RARB: variants seen among roughly 807,000 people sequenced by gnomAD.
RARB encodes the protein HBV-activated protein.
RARB carries 17 observed loss-of-function variants against 51.9 expected under a neutral mutation model. That is an observed-to-expected ratio of 0.33 (90% CI 0.22 to 0.49). RARB has a LOEUF of 0.49. RARB is among the 20% of genes least tolerant of loss of function. RARB has a pLI of 0.99. For synonymous variants in RARB, 215 were observed against 195.4 expected, an observed-to-expected ratio of 1.10 and a Z score of -0.84; for missense variants, 369 against 550.8, an observed-to-expected ratio of 0.67 and a Z score of 3.30.
chr3:25,130,069 C>A (rs1383570344), intron 3 of RARB, among the ~76,000 whole-genome samples: 4 of 152,006 alleles, frequency 2.6e-5, no homozygotes, highest in Admixed American at 2.6e-4. Flanking sequence ...GTATGGGAAA[C>A]TATAGGCAAA....
intron 5 of RARB, among the ~76,000 whole-genome samples, chr3:25,272,972 A>T (rs145264318): frequency 1.3e-5 from 2 of 152,192 alleles, no homozygotes; most frequent in Admixed American, 6.5e-5. Flanking sequence ...ACAACTGTTC[A>T]TGTCAAACTG....
chr3:25,051,082 C>G (rs1182394568), intron 2 of RARB, among the ~76,000 whole-genome samples: 1 of 152,040 alleles, frequency 6.6e-6, no homozygotes, highest in East Asian at 1.9e-4. Flanking sequence ...CTTTGATATG[C>G]CATGTTTAAC....
chr3:25,193,306 A>G (rs1007458585), intron 5 of RARB, among the ~76,000 whole-genome samples: 12 of 152,184 alleles, frequency 7.9e-5, no homozygotes, highest in African/African-American at 2.4e-4. Context: ...GCTACCTTCC[A>G]CTGGATGTTT....
At chr3:25,006,405 T>C (rs1321074245) in intron 2 of RARB, among the ~76,000 whole-genome samples, 1 of 152,214 alleles carries the variant, frequency 6.6e-6, no homozygotes, top group Non-Finnish European at 1.5e-5. Context: ...ATGTAGTGGA[T>C]ACAGTTGTGA....
rs76221718 is a variant in RARB at position 24,914,540 on chromosome 3, T to A, written c.-380+55788T>A. On this transcript the variant is annotated intron_variant, in intron 2 of 11. Transcript: ENST00000383772. ...CATAAAGGACTGGTTCTGGTTCCCC[T>A]CTCAGGTACCAAAATCCATGATACT... 3.8e-3 allele frequency among the ~76,000 whole-genome samples: 578 copies of A among 152,292 alleles called. 2 individuals carry two copies. The highest frequency in any genetic ancestry group is 0.013 in the African/African-American group (549 of 41,554).
At chr3:25,002,868 C>G (rs538120733) in intron 2 of RARB, among the ~76,000 whole-genome samples, 1 of 151,964 alleles carries the variant, frequency 6.6e-6, no homozygotes, top group South Asian at 2.1e-4. Flanking sequence ...TTAGGGAGAT[C>G]AATTGAGTTT....
At chr3:25,221,896 T>C (rs1005470064) in intron 5 of RARB, among the ~76,000 whole-genome samples, 1 of 152,162 alleles carries the variant, frequency 6.6e-6, no homozygotes, top group African/African-American at 2.4e-5. Flanking sequence ...CAATAAATCA[T>C]ATTTTGATCA....
At chr3:25,113,955 T>G (rs1047704425) in intron 3 of RARB, among the ~76,000 whole-genome samples, 7 of 152,180 alleles carry the variant, frequency 4.6e-5, no homozygotes, top group African/African-American at 1.7e-4. Context: ...TTGCTATCAT[T>G]CCTAGATTTT....
intron 2 of RARB, among the ~76,000 whole-genome samples, chr3:24,928,803 CTT>C (rs1695378233): frequency 6.6e-6 from 1 of 152,004 alleles, no homozygotes; most frequent in Non-Finnish European, 1.5e-5. Context: ...GAGGTTCTCT[CTT>C]GTTTCATGGA....
At chr3:24,978,207 A>T (rs1041903936) in intron 2 of RARB, among the ~76,000 whole-genome samples, 1 of 150,610 alleles carries the variant, frequency 6.6e-6, no homozygotes, top group African/African-American at 2.5e-5. Flanking sequence ...TTGGCCTAAG[A>T]TTCTTTTTTT....
At chr3:24,883,507 A>T (rs1434608118) in intron 2 of RARB, among the ~76,000 whole-genome samples, 3 of 152,144 alleles carry the variant, frequency 2.0e-5, no homozygotes, top group Non-Finnish European at 4.4e-5. Context: ...AAGCAGGAAC[A>T]CTACTGTTTT....
At chr3:24,923,763 T>C (rs188892738) in intron 2 of RARB, among the ~76,000 whole-genome samples, 1 of 152,150 alleles carries the variant, frequency 6.6e-6, no homozygotes, top group Non-Finnish European at 1.5e-5. Flanking sequence ...ACCTAGAGTT[T>C]AGTAGCTTAT....
intron 5 of RARB, among the ~76,000 whole-genome samples, chr3:25,393,576 T>C (rs1216735424): frequency 6.6e-6 from 1 of 152,100 alleles, no homozygotes; most frequent in African/African-American, 2.4e-5. Context: ...CTTGTTATTG[T>C]TCTGTTAAGA....
Position 25,580,695 on chromosome 3 carries a change from G to C in RARB, c.759G>C (p.Leu253=), listed in dbSNP as rs753615864. The C allele has an allele frequency of 6.2e-7, 1 of 1,607,002 alleles. No homozygotes were observed. Among genetic ancestry groups the C allele is most frequent in the Non-Finnish European group, 8.5e-7 (1 of 1,174,324 alleles). The part of the protein sequence containing the change: ...TGLTIADQIT[L]LKAACLDILI... ...TGACCATCGCAGACCAAATTACCCT[G>C]CTGAAGGCCGCCTGCCTGGACATCC... The change falls in exon 5 of 8, where the codon CTG becomes CTC. Residue 253 remains leucine (L), a synonymous_variant. Coordinates refer to ENST00000330688, the MANE Select transcript of RARB (RefSeq NM_000965.5).
At chr3:25,134,100 A>G (rs2125334273) in intron 4 of RARB, among the ~76,000 whole-genome samples, 1 of 151,970 alleles carries the variant, frequency 6.6e-6, no homozygotes, top group East Asian at 1.9e-4. Flanking sequence ...AACTAGTTGT[A>G]TGGCATTTTG....
At chr3:24,834,301 A>G (rs1702315427) in intron 1 of RARB, among the ~76,000 whole-genome samples, 1 of 152,268 alleles carries the variant, frequency 6.6e-6, no homozygotes, top group East Asian at 1.9e-4. Context: ...CCACTAAAAA[A>G]GAGCAAATTT....
chr3:24,980,768 A>G (rs1034173299), intron 2 of RARB, among the ~76,000 whole-genome samples: 3 of 152,070 alleles, frequency 2.0e-5, no homozygotes, highest in African/African-American at 7.2e-5. Context: ...ACTTCTGTCA[A>G]CTCGTCAAAC....
chr3:25,136,561 AAC>A (rs1700034385), intron 4 of RARB, among the ~76,000 whole-genome samples: 1 of 152,092 alleles, frequency 6.6e-6, no homozygotes, highest in Non-Finnish European at 1.5e-5. Context: ...AACTTCATGA[AAC>A]AATGCATCAC....
At chr3:25,030,913 G>A (rs1402849427) in intron 2 of RARB, among the ~76,000 whole-genome samples, 1 of 152,188 alleles carries the variant, frequency 6.6e-6, no homozygotes, top group Admixed American at 6.5e-5. Context: ...GGGGCAGGCA[G>A]CAGAGTCAGT....
Sources: gnomAD v4.1 joint callset for allele counts (sites outside exome capture counted in the v4.1 genomes callset) on GRCh38, gnomAD v4.1.1 for gene constraint, MANE v1.5 for transcripts, NCBI Gene and HGNC (gene_info 2026-07-23, HGNC 2026-07-21) for gene names.